Variants in PXDN observed in about 807,000 individuals in gnomAD.
PXDN encodes peroxidasin, also known as peroxidasin homolog.
PXDN carries 77 observed loss-of-function variants against 140.3 expected under a neutral mutation model. The observed-to-expected ratio is 0.55, with a 90% confidence interval of 0.46 to 0.66. The LOEUF is 0.66. Ranked by LOEUF, PXDN falls within the 30% of genes least tolerant of loss-of-function variation. The pLI is 0.00. For missense variants in PXDN, 1,838 were observed against 2,039.5 expected (o/e 0.90, Z 1.90); for synonymous variants, 911 against 857.4 (o/e 1.06, Z -1.09).
rs765748537 is a variant in PXDN at position 1,676,989 on chromosome 2, G to A, written c.786C>T (p.Thr262=). The A allele has an allele frequency of 3.0e-5, 49 of 1,612,884 alleles. No homozygotes were observed. The highest frequency in any genetic ancestry group is 2.8e-5 in the Non-Finnish European group (33 of 1,179,576). ...CTTCGGCTCTGCAGGTGAAGTACACGGTGTTCCCCGAGGTCACATCTGCGT... is the reference window on the plus strand; with the variant it reads ...CTTCGGCTCTGCAGGTGAAGTACACAGTGTTCCCCGAGGTCACATCTGCGT... The part of the protein sequence containing the change: ...PQDADVTSGN[T]VYFTCRAEGN... Residue 262 remains threonine (T), a synonymous_variant, in exon 8 of 23, where the codon ACC becomes ACT. Coordinates refer to ENST00000252804, the MANE Select transcript of PXDN (RefSeq NM_012293.3).
At chr2:1,663,582 G>C (rs550129603) in intron 12 of PXDN, 23 bp downstream of exon 12, 1 of 1,612,594 alleles carries the variant, frequency 6.2e-7, no homozygotes, top group Admixed American at 1.7e-5. Flanking sequence ...AATCAATTCA[G>C]TCCACAACCT....
intron 19 of PXDN, among the ~76,000 whole-genome samples, chr2:1,640,164 T>G (rs1322976121): frequency 6.6e-6 from 1 of 151,864 alleles, no homozygotes; most frequent in East Asian, 2.0e-4. Flanking sequence ...GTGTCCCTCC[T>G]GGTCCCCGGG....
At chr2:1,719,834 TTG>T (rs36227356) in intron 1 of PXDN, among the ~76,000 whole-genome samples, 37,541 of 108,042 alleles carry the variant, frequency 0.35, 7,064 homozygotes, top group Admixed American at 0.46. Context: ...CATGCGTGCA[TTG>T]TGTGTGTGTG....
chr2:1,733,612 C>T lies in PXDN; in HGVS notation c.200+10644G>A, dbSNP rs12052562. ...CAAAAATTAGCCAGGTGTGGCGGTG[C>T]GCGCCTGTAATCCCAGCTACTGAGG... On this transcript the variant is annotated intron_variant, in intron 1 of 22. Transcript: ENST00000252804. Among the ~76,000 whole-genome samples the T allele has an allele frequency of 3.5e-4, 53 of 151,914 alleles. 1 individual carries two copies. In the East Asian group the frequency reaches 8.5e-3, roughly 24 times the overall value.
At chr2:1,698,048 G>A (rs1684338065) in intron 1 of PXDN, among the ~76,000 whole-genome samples, 1 of 152,174 alleles carries the variant, frequency 6.6e-6, no homozygotes, top group African/African-American at 2.4e-5. Context: ...AAAGCCCCAG[G>A]AGACTGCGAT....
intron 4 of PXDN, 24 bp from the exon 5 acceptor site, chr2:1,684,175 A>G: frequency 6.5e-7 from 1 of 1,535,650 alleles, no homozygotes; most frequent in South Asian, 1.2e-5. Flanking sequence ...AAGAAAAAAA[A>G]GTATAACTTA....
chr2:1,652,718 G>A (rs1039700339), intron 16 of PXDN, among the ~76,000 whole-genome samples: 8 of 152,108 alleles, frequency 5.3e-5, no homozygotes, highest in East Asian at 3.9e-4. Flanking sequence ...CTAACAGGAC[G>A]GGGCTGGCTC....
chr2:1,650,056 A>G (rs1411511850), intron 16 of PXDN, among the ~76,000 whole-genome samples: 1 of 152,116 alleles, frequency 6.6e-6, no homozygotes, highest in Admixed American at 6.5e-5. Context: ...CGCCCCGTGT[A>G]AGAGACAGTC....
chr2:1,639,242 C>A lies in PXDN; in HGVS notation c.4073+60G>T. 1 of 1,564,504 alleles carries A rather than the reference C, an allele frequency of 6.4e-7. No individual in the cohort carries two copies. The highest frequency in any genetic ancestry group is 1.2e-5 in the South Asian group (1 of 85,734). ...CCACAGCAGGATGCCGGTCCTACTG[C>A]CCGACGCCCGCGGTGCGAGGGCCCC... is the stretch of plus-strand genomic sequence containing the variant. On this transcript the variant is annotated intron_variant, in intron 20 of 22. Coordinates refer to ENST00000252804, the MANE Select transcript of PXDN (RefSeq NM_012293.3). This position sits in a 1 kb window ranked among gnomAD's most constrained non-coding sequence, Gnocchi z 5.0.
intron 2 of PXDN, among the ~76,000 whole-genome samples, chr2:1,692,217 T>C (rs1572164091): frequency 6.6e-6 from 1 of 152,240 alleles, no homozygotes. Context: ...TCCGTACCAC[T>C]CCACAGTTAC....
In PXDN at chr2:1,682,894, C is replaced by T. The variant is rs753781999; in HGVS notation, c.560+762G>A. ...GGCAGAGGTTGCAGTGAGCTGAAAT[C>T]GAGCCATTGCACTCTAGACTGGCAA... On this transcript the variant is annotated intron_variant, in intron 6 of 22. Transcript: ENST00000252804. 7.9e-5 allele frequency among the ~76,000 whole-genome samples: 12 copies of T among 151,998 alleles called. 1 individual carries two copies. The highest frequency in any genetic ancestry group is 1.4e-4 in the African/African-American group (6 of 41,428).
intron 16 of PXDN, among the ~76,000 whole-genome samples, chr2:1,652,431 C>A (rs1463157575): frequency 6.6e-6 from 1 of 152,148 alleles, no homozygotes; most frequent in African/African-American, 2.4e-5. Flanking sequence ...TCCCCCTGCA[C>A]CTGACAAGCA....
At position 1,717,358 on chromosome 2, in the gene PXDN, G is replaced by C. The variant is rs145638996; in HGVS notation, c.201-24224C>G. ...TCTTTGTTCTCGGTTCTGCGGATCA[G>C]TCCAAATGCCTCTCGCCCGGGGCTA... On this transcript the variant is annotated intron_variant, in intron 1 of 22. Coordinates refer to ENST00000252804, the MANE Select transcript of PXDN (RefSeq NM_012293.3). Among the ~76,000 whole-genome samples, 332 of 152,256 alleles carry C rather than the reference G, an allele frequency of 2.2e-3. 1 individual carries two copies. The highest frequency in any genetic ancestry group is 7.8e-3 in the African/African-American group (325 of 41,544).
In PXDN at chr2:1,679,648, GGTGT is replaced by G. The variant is rs549455296; in HGVS notation, c.730+541_730+544del. The stretch of plus-strand genomic sequence containing the variant: ...TCTGCACGTGTGTGTGTCTATAAAT[GGTGT>G]GTGTGTAAATGGTGTGTGTGGATGG... On this transcript the variant is annotated intron_variant, in intron 7 of 22. Transcript: ENST00000252804. Among the ~76,000 whole-genome samples the G allele has an allele frequency of 1.1e-3, 149 of 141,494 alleles. 2 individuals are homozygous for G. The highest frequency in any genetic ancestry group is 3.8e-3 in the African/African-American group (144 of 37,446). The allele number at this position is 141,494 out of a possible 152,430, so 92.8% of individuals were successfully genotyped here.
intron 1 of PXDN, among the ~76,000 whole-genome samples, chr2:1,713,275 C>T (rs566689409): frequency 1.6e-4 from 24 of 152,294 alleles, no homozygotes; most frequent in Non-Finnish European, 3.4e-4. Context: ...TCTGCACCAA[C>T]GATCAATTAC....
At chr2:1,729,663 C>A (rs754920744) in intron 1 of PXDN, among the ~76,000 whole-genome samples, 1 of 152,116 alleles carries the variant, frequency 6.6e-6, no homozygotes, top group African/African-American at 2.4e-5. Context: ...CACTGAAGAA[C>A]TTATTCATGT....
chr2:1,706,691 TAA>T, intron 1 of PXDN, among the ~76,000 whole-genome samples: 1 of 85,348 alleles, frequency 1.2e-5, no homozygotes, highest in Non-Finnish European at 2.2e-5. Flanking sequence ...CCTGCCCCAC[TAA>T]TAATACAACC....
At chr2:1,724,311 C>CA (rs1685124586) in intron 1 of PXDN, among the ~76,000 whole-genome samples, 9 of 97,696 alleles carry the variant, frequency 9.2e-5, no homozygotes, top group East Asian at 8.7e-4. Flanking sequence ...TCTGAATTTC[C>CA]GTTTTTTTTT....
In PXDN at chr2:1,651,242, C is replaced by T. The variant is rs1351351170; in HGVS notation, c.2105-1567G>A. On this transcript the variant is annotated intron_variant, in intron 16 of 22. Transcript: ENST00000252804. This position sits in a 1 kb window ranked among gnomAD's most constrained non-coding sequence, Gnocchi z 4.4. Reference sequence around the variant, plus strand: ...GAGGAAAAGCACTTCCTCCCAAATGCCTGGCTGGGCTGTGGGGCTGGTCTC... The same window carrying T: ...GAGGAAAAGCACTTCCTCCCAAATGTCTGGCTGGGCTGTGGGGCTGGTCTC... Among the ~76,000 whole-genome samples, 2 of 152,184 alleles carry T rather than the reference C, an allele frequency of 1.3e-5. No homozygotes were observed. Among genetic ancestry groups the T allele is most frequent in the Non-Finnish European group, 2.9e-5 (2 of 68,034 alleles).
Sources: gnomAD v4.1 joint callset for allele counts (sites outside exome capture counted in the v4.1 genomes callset) on GRCh38, gnomAD v4.1.1 for gene constraint, Gnocchi (gnomAD v3.1) non-coding constraint, MANE v1.5 for transcripts, NCBI Gene and HGNC (gene_info 2026-07-23, HGNC 2026-07-21) for gene names.